The following GRID2 variants were observed in gnomAD, a reference collection of about 807,000 sequenced individuals.
GRID2 encodes the protein glutamate receptor ionotropic, delta-2.
GRID2 carries 33 observed loss-of-function variants against 114.8 expected under a neutral mutation model. The ratio of observed to expected loss-of-function variants is 0.29; its 90% CI spans 0.22 to 0.38. The LOEUF is 0.38. Among genes scored for constraint, GRID2 ranks in the 10% least tolerant of loss-of-function variants. GRID2 has a pLI of 1.00. For missense variants in GRID2, 1,184 were observed against 1,257.7 expected (o/e 0.94, Z 0.89); for synonymous variants, 505 against 449.9 (o/e 1.12, Z -1.55).
rs147146350 is a variant in GRID2 at position 93,106,132 on chromosome 4, C to T, written c.530-4616C>T. 7.9e-5 allele frequency among the ~76,000 whole-genome samples: 12 copies of T among 152,216 alleles called. No homozygotes were observed. In the East Asian group the frequency reaches 2.3e-3, roughly 29 times the overall value. On this transcript the variant is annotated intron_variant, in intron 3 of 15. Transcript: ENST00000282020. ...AAGAAATTACTGGAAACTACAGAAA[C>T]TTCTTTTAGCTTTCTGTTATCCATA...
At chr4:93,371,312 G>A (rs1762889506) in intron 8 of GRID2, among the ~76,000 whole-genome samples, 1 of 151,978 alleles carries the variant, frequency 6.6e-6, no homozygotes, top group Non-Finnish European at 1.5e-5. Flanking sequence ...CTCAAGCAAT[G>A]CCATTAGGGA....
Position 93,162,255 on chromosome 4 carries a change from A to G in GRID2, c.736-45149A>G, listed in dbSNP as rs186038801. ...TTGTAATAAGTTACCATAAATTAAC[A>G]CTGAATATGAAGACAGTGCTTAATT... On this transcript the variant is annotated intron_variant, in intron 4 of 15. Transcript: ENST00000282020. Among the ~76,000 whole-genome samples, 128 of 152,116 alleles carry G rather than the reference A, an allele frequency of 8.4e-4. 3 individuals carry two copies. Among genetic ancestry groups the G allele is most frequent in the Non-Finnish European group, 3.1e-4 (21 of 67,930 alleles).
intron 13 of GRID2, among the ~76,000 whole-genome samples, chr4:93,573,062 A>G (rs1429872326): frequency 6.6e-6 from 1 of 152,130 alleles, no homozygotes; most frequent in Non-Finnish European, 1.5e-5. Flanking sequence ...AGTGCTTAGC[A>G]CCTCGTGGAA....
chr4:92,449,711 A>ATATATATATC (rs1466326075), intron 1 of GRID2, among the ~76,000 whole-genome samples: 1 of 130,136 alleles, frequency 7.7e-6, no homozygotes, highest in South Asian at 2.3e-4. Context: ...ATATATATAT[A>ATATATATATC]ACACTTAAGC....
intron 8 of GRID2, among the ~76,000 whole-genome samples, chr4:93,379,487 C>A (rs899856504): frequency 6.6e-6 from 1 of 152,034 alleles, no homozygotes; most frequent in African/African-American, 2.4e-5. Flanking sequence ...GGGGAGAGAT[C>A]TTTTCCTACC....
intron 2 of GRID2, among the ~76,000 whole-genome samples, chr4:92,917,945 A>T (rs1037898160): frequency 1.3e-5 from 2 of 152,122 alleles, no homozygotes; most frequent in African/African-American, 4.8e-5. Context: ...CTTGGGCAGT[A>T]TGGCCATTTT....
chr4:93,631,978 A>AT (rs566684700), intron 14 of GRID2, among the ~76,000 whole-genome samples: 4 of 152,002 alleles, frequency 2.6e-5, no homozygotes, highest in Non-Finnish European at 5.9e-5. Flanking sequence ...GATGATGAGC[A>AT]TTTTTTCATG....
intron 10 of GRID2, among the ~76,000 whole-genome samples, chr4:93,433,868 G>A (rs951771919): frequency 6.6e-6 from 1 of 151,876 alleles, no homozygotes; most frequent in African/African-American, 2.4e-5. Context: ...TTACACCCTC[G>A]TCATGTTCAG....
chr4:93,171,351 T>C lies in GRID2; in HGVS notation c.736-36053T>C, dbSNP rs140834696. Reference sequence around the variant, plus strand: ...CTCACTCCCTCACTCTCTCCAACTCTTTGTTTAAACATTGTCTTCTCAATG... The same window carrying C: ...CTCACTCCCTCACTCTCTCCAACTCCTTGTTTAAACATTGTCTTCTCAATG... On this transcript the variant is annotated intron_variant, in intron 4 of 15. Coordinates refer to ENST00000282020, the MANE Select transcript of GRID2 (RefSeq NM_001510.4). Among the ~76,000 whole-genome samples, 5 of 152,316 alleles carry C rather than the reference T, an allele frequency of 3.3e-5. No individual in the cohort carries two copies. The East Asian group carries it at 9.6e-4, about 29-fold the overall frequency.
chr4:92,596,221 TATTCATTCATTC>T (rs10546629), intron 2 of GRID2, among the ~76,000 whole-genome samples: 2 of 151,222 alleles, frequency 1.3e-5, no homozygotes, highest in East Asian at 2.0e-4. Flanking sequence ...GGTATGATTC[TATTCATTCATTC>T]ATTCATTCAT....
chr4:93,121,959 C>G (rs567901267), intron 4 of GRID2, among the ~76,000 whole-genome samples: 2 of 152,198 alleles, frequency 1.3e-5, no homozygotes, highest in South Asian at 4.1e-4. Context: ...TATAGTCCCC[C>G]CTTCTTTCCC....
chr4:93,585,714 C>A (rs1578320958), intron 13 of GRID2, among the ~76,000 whole-genome samples: 1 of 151,998 alleles, frequency 6.6e-6, no homozygotes, highest in South Asian at 2.1e-4. Flanking sequence ...AAACTGGTAT[C>A]TTATCCTTCT....
chr4:93,585,291 G>A (rs928662963), intron 13 of GRID2, among the ~76,000 whole-genome samples: 5 of 152,048 alleles, frequency 3.3e-5, no homozygotes, highest in African/African-American at 7.2e-5. Flanking sequence ...TGAAAGCTCC[G>A]TTTTTGTCTG....
intron 4 of GRID2, among the ~76,000 whole-genome samples, chr4:93,132,757 G>A (rs1734914630): frequency 6.6e-6 from 1 of 152,246 alleles, no homozygotes; most frequent in East Asian, 1.9e-4. Context: ...GGGAGGGTTG[G>A]GGGTATGGAA....
intron 2 of GRID2, among the ~76,000 whole-genome samples, chr4:92,652,983 A>AAT (rs1732040601): frequency 8.0e-6 from 1 of 125,758 alleles, no homozygotes; most frequent in South Asian, 2.9e-4. Context: ...AATACATATA[A>AAT]ATATATATAA....
At chr4:92,706,334 T>A (rs190721091) in intron 2 of GRID2, among the ~76,000 whole-genome samples, 1 of 152,152 alleles carries the variant, frequency 6.6e-6, no homozygotes, top group African/African-American at 2.4e-5. Flanking sequence ...CTCACCTATT[T>A]TTAAAGTTTT....
chr4:92,525,263 G>A (rs1724988189), intron 1 of GRID2, among the ~76,000 whole-genome samples: 1 of 151,218 alleles, frequency 6.6e-6, no homozygotes, highest in Admixed American at 6.6e-5. Flanking sequence ...AGTCAGATTG[G>A]TACTCGGTGA....
At chr4:93,023,302 C>T (rs1723570573) in intron 2 of GRID2, among the ~76,000 whole-genome samples, 2 of 150,516 alleles carry the variant, frequency 1.3e-5, no homozygotes, top group East Asian at 1.9e-4. Flanking sequence ...ATAATTATTC[C>T]AAGAAAAAAA....
intron 2 of GRID2, among the ~76,000 whole-genome samples, chr4:92,984,812 G>A (rs1295073790): frequency 6.6e-6 from 1 of 151,100 alleles, no homozygotes; most frequent in Non-Finnish European, 1.5e-5. Context: ...ATGAGTAGTA[G>A]TCAGCTAGCT....
Sources: allele counts gnomAD v4.1 joint callset (sites outside exome capture counted in the v4.1 genomes callset), GRCh38; gene constraint gnomAD v4.1.1; transcripts MANE v1.5; gene names NCBI Gene and HGNC (gene_info 2026-07-23, HGNC 2026-07-21).